Variants in C1orf21 observed in about 807,000 individuals in gnomAD.
C1orf21 encodes the protein uncharacterized protein C1orf21.
A neutral mutation model predicts 18.7 loss-of-function variants in C1orf21; 3 were observed. That is an observed-to-expected ratio of 0.16 (90% confidence interval 0.07 to 0.42). The LOEUF is 0.42. Ranked by LOEUF, C1orf21 falls within the 10% of genes least tolerant of loss-of-function variation. C1orf21 has a pLI of 0.99. For synonymous variants in C1orf21, 41 were observed against 46.4 expected (o/e 0.88, Z 0.47); for missense variants, 104 against 143.6 (o/e 0.72, Z 1.41).
intron 3 of C1orf21, among the ~76,000 whole-genome samples, chr1:184,574,548 A>G (rs12057256): frequency 0.044 from 6,773 of 152,282 alleles, 505 homozygotes; most frequent in African/African-American, 0.15. Context: ...TTAGACCTAT[A>G]TGATTCATTA....
intron 2 of C1orf21, among the ~76,000 whole-genome samples, chr1:184,494,311 A>G (rs113980560): frequency 3.9e-4 from 59 of 152,302 alleles, no homozygotes; most frequent in African/African-American, 1.3e-3. Flanking sequence ...TGACAAACTC[A>G]CAGAGGCAGT....
chr1:184,505,340 T>TATATATATATAC (rs1285554960), intron 2 of C1orf21, among the ~76,000 whole-genome samples: 41 of 118,670 alleles, frequency 3.5e-4, no homozygotes, highest in African/African-American at 1.0e-3. Flanking sequence ...TATATATATA[T>TATATATATATAC]ACACACATGC....
chr1:184,392,698 T>A (rs920021954), intron 1 of C1orf21, among the ~76,000 whole-genome samples: 5 of 152,180 alleles, frequency 3.3e-5, no homozygotes, highest in African/African-American at 1.2e-4. Flanking sequence ...CTGTTCTGTC[T>A]CTTGGGCTGG....
chr1:184,614,274 C>T (rs1659784817), intron 5 of C1orf21, among the ~76,000 whole-genome samples: 1 of 152,216 alleles, frequency 6.6e-6, no homozygotes, highest in African/African-American at 2.4e-5. Flanking sequence ...TTAATTCCCA[C>T]AACTCTGCAA....
chr1:184,491,827 A>G (rs1015850502), intron 2 of C1orf21, among the ~76,000 whole-genome samples: 5 of 152,234 alleles, frequency 3.3e-5, no homozygotes, highest in Non-Finnish European at 7.3e-5. Context: ...AGGTTGCTTA[A>G]GCTATGAGAA....
chr1:184,561,499 T>C (rs1658964691), intron 3 of C1orf21, among the ~76,000 whole-genome samples: 1 of 152,242 alleles, frequency 6.6e-6, no homozygotes, highest in Admixed American at 6.5e-5. Context: ...TCATGTGCCT[T>C]AGCCCCAGTA....
intron 1 of C1orf21, among the ~76,000 whole-genome samples, chr1:184,449,576 G>T (rs962584848): frequency 3.9e-5 from 6 of 152,112 alleles, no homozygotes; most frequent in Admixed American, 2.0e-4. Context: ...GTAATGGGAT[G>T]GCTGGGTCAA....
chr1:184,477,715 A>G, intron 2 of C1orf21, 112 bp downstream of exon 2: 1 of 778,642 alleles, frequency 1.3e-6, no homozygotes, highest in Non-Finnish European at 2.1e-6. Context: ...ATTTTGTTAC[A>G]TGCCTAGAAT....
intron 1 of C1orf21, among the ~76,000 whole-genome samples, chr1:184,443,376 G>A (rs1656978564): frequency 6.6e-6 from 1 of 152,058 alleles, no homozygotes; most frequent in African/African-American, 2.4e-5. Flanking sequence ...TCCAAGTTTT[G>A]TTCTCCACTA....
At chr1:184,593,211 A>G (rs1192384719) in intron 4 of C1orf21, among the ~76,000 whole-genome samples, 1 of 152,184 alleles carries the variant, frequency 6.6e-6, no homozygotes, top group Non-Finnish European at 1.5e-5. Flanking sequence ...CACACTTCAC[A>G]GACTGGCATG....
At chr1:184,395,473 A>G (rs1656037874) in intron 1 of C1orf21, among the ~76,000 whole-genome samples, 3 of 152,148 alleles carry the variant, frequency 2.0e-5, no homozygotes, top group South Asian at 4.1e-4. Flanking sequence ...AATTTATTGA[A>G]CAAACATTGA....
chr1:184,465,419 G>A (rs548039429), intron 1 of C1orf21, among the ~76,000 whole-genome samples: 1 of 152,230 alleles, frequency 6.6e-6, no homozygotes, highest in African/African-American at 2.4e-5. Context: ...AGAAAAAGCC[G>A]ATTAATAATA....
intron 1 of C1orf21, among the ~76,000 whole-genome samples, chr1:184,476,541 C>G (rs930826446): frequency 2.0e-5 from 3 of 152,112 alleles, no homozygotes; most frequent in Non-Finnish European, 4.4e-5. Flanking sequence ...ATTTGAGGAG[C>G]CACCTTGGAT....
chr1:184,489,954 T>G (rs1055292840), intron 2 of C1orf21, among the ~76,000 whole-genome samples: 3 of 152,252 alleles, frequency 2.0e-5, no homozygotes, highest in African/African-American at 7.2e-5. Flanking sequence ...TCACTACAAC[T>G]GTTTATTTTG....
Position 184,476,907 on chromosome 1 carries a change from G to A in C1orf21, c.-124-479G>A, listed in dbSNP as rs866249022. Among the ~76,000 whole-genome samples the A allele has an allele frequency of 5.9e-5, 9 of 152,100 alleles. No homozygotes were observed. The East Asian group carries it at 9.6e-4, about 16-fold the overall frequency. On this transcript the variant is annotated intron_variant, in intron 1 of 5. Transcript: ENST00000235307. ...TACCAGTCTGAGGAGGATGGCTACC[G>A]TTTCCTGGCAAAATTTGAGGAGCTG...
At chr1:184,569,691 C>G (rs1161843065) in intron 3 of C1orf21, among the ~76,000 whole-genome samples, 1 of 152,108 alleles carries the variant, frequency 6.6e-6, no homozygotes, top group Non-Finnish European at 1.5e-5. Context: ...ACTTCCATCC[C>G]TAAAAAATAA....
chr1:184,583,754 C>G (rs998050455), intron 3 of C1orf21, among the ~76,000 whole-genome samples: 1 of 152,186 alleles, frequency 6.6e-6, no homozygotes, highest in Non-Finnish European at 1.5e-5. Context: ...TAACACACAT[C>G]CCAGATGATT....
chr1:184,561,912 C>A (rs1244354481), intron 3 of C1orf21, among the ~76,000 whole-genome samples: 5 of 152,112 alleles, frequency 3.3e-5, no homozygotes, highest in Non-Finnish European at 7.4e-5. Context: ...TTTTTAAAAA[C>A]ATGTTCCTTT....
At chr1:184,487,381 G>A (rs1470847364) in intron 2 of C1orf21, among the ~76,000 whole-genome samples, 2 of 152,132 alleles carry the variant, frequency 1.3e-5, no homozygotes, top group East Asian at 1.9e-4. Context: ...TGTGCTTTAC[G>A]GTGTATGAGG....
Sources: allele counts gnomAD v4.1 joint callset (sites outside exome capture counted in the v4.1 genomes callset), GRCh38; gene constraint gnomAD v4.1.1; transcripts MANE v1.5; gene names NCBI Gene and HGNC (gene_info 2026-07-23, HGNC 2026-07-21).